The following GC variants were observed in gnomAD, a reference collection of about 807,000 sequenced individuals.
The protein encoded by GC is GC vitamin D binding protein.
A neutral mutation model predicts 56.7 loss-of-function variants in GC; 43 were observed. That is an observed-to-expected ratio of 0.76 (90% CI 0.59 to 0.98). GC has a LOEUF of 0.98. Among genes scored for constraint, GC ranks in the 50% least tolerant of loss-of-function variants. The probability of loss-of-function intolerance (pLI) is 0.00; values close to 1 mark genes in which losing one functional copy is unlikely to be tolerated. For missense variants in GC, 529 were observed against 545.9 expected, an observed-to-expected ratio of 0.97 and a Z score of 0.31; for synonymous variants, 216 against 202.7, an observed-to-expected ratio of 1.07 and a Z score of -0.56.
At chr4:71,760,519 T>A (rs1741933660) in intron 6 of GC, among the ~76,000 whole-genome samples, 1 of 152,144 alleles carries the variant, frequency 6.6e-6, no homozygotes, top group Non-Finnish European at 1.5e-5. Context: ...TGAGAAAGTA[T>A]GAGAGAAGTG....
intron 1 of GC, among the ~76,000 whole-genome samples, chr4:71,801,886 T>C (rs1022754766): frequency 1.1e-4 from 14 of 133,178 alleles, no homozygotes; most frequent in Admixed American, 1.4e-4. Flanking sequence ...CCTGTTTCTT[T>C]CTTCTTTTTT....
intron 1 of GC, among the ~76,000 whole-genome samples, chr4:71,777,613 A>G (rs1742547671): frequency 6.7e-6 from 1 of 149,192 alleles, no homozygotes; most frequent in Non-Finnish European, 1.5e-5. Flanking sequence ...TCTAGTATGC[A>G]ATTGTCAAAT....
In GC at chr4:71,741,820, G is replaced by A; in HGVS notation, c.*76C>T. 1 of 702,954 alleles carries A rather than the reference G, an allele frequency of 1.4e-6. No individual in the cohort carries two copies. The allele number at this position is 702,954 out of a possible 1,614,324, so 43.5% of individuals were successfully genotyped here. Reference sequence around the variant, plus strand: ...GTCTTCCCAGAAGCTCAGTGGTTTTGCTTAGGTTAGGTCATCAGAGATCAT... The same window carrying A: ...GTCTTCCCAGAAGCTCAGTGGTTTTACTTAGGTTAGGTCATCAGAGATCAT... On this transcript the variant is annotated 3_prime_UTR_variant, in exon 13 of 13. Transcript: ENST00000273951.
At chr4:71,801,376 C>G (rs60151590) in intron 1 of GC, among the ~76,000 whole-genome samples, 3,022 of 152,322 alleles carry the variant, frequency 0.02, 103 homozygotes, top group African/African-American at 0.069. Flanking sequence ...GACTTCTCCT[C>G]TAATACTCTG....
chr4:71,773,831 A>T (rs1258990746), intron 1 of GC, among the ~76,000 whole-genome samples: 1 of 151,926 alleles, frequency 6.6e-6, no homozygotes, highest in African/African-American at 2.4e-5. Flanking sequence ...TCACAATTTC[A>T]TTTCTTTGGC....
At chr4:71,788,428 A>T (rs1742892025), upstream of GC, among the ~76,000 whole-genome samples, 1 of 151,916 alleles carries the variant, frequency 6.6e-6, no homozygotes, top group Admixed American at 6.6e-5. Context: ...TTAAAATAAA[A>T]ATTTGAGGAA....
Position 71,756,793 on chromosome 4 carries a change from G to A in GC, c.953C>T (p.Ala318Val). 1 of 1,613,744 alleles carries A rather than the reference G, an allele frequency of 6.2e-7. No homozygotes were observed. Among genetic ancestry groups the A allele is most frequent in the Non-Finnish European group, 8.5e-7 (1 of 1,179,696 alleles). The change falls in exon 8 of 13, where the codon GCC becomes GTC. Residue 318 changes from alanine (A) to valine (V), a missense_variant. By Grantham distance (64) the Ala-to-Val change is moderately conservative (BLOSUM62 0). Coordinates refer to ENST00000273951, the MANE Select transcript of GC (RefSeq NM_000583.4). ...VFVCTYFMPA[A>V]QLPELPDVEL... ...TACATCTGGAAGCTCGGGGAGTTGG[G>A]CAGCTGGCATGAAGTAAGTGCACAC...
upstream of GC, among the ~76,000 whole-genome samples, chr4:71,784,991 T>G (rs1742799100): frequency 6.6e-6 from 1 of 151,674 alleles, no homozygotes; most frequent in Admixed American, 6.6e-5. Flanking sequence ...CCACTCCTGG[T>G]TTTTGCAGTA....
At chr4:71,749,663 G>T (rs892946497) in intron 11 of GC, among the ~76,000 whole-genome samples, 1 of 152,130 alleles carries the variant, frequency 6.6e-6, no homozygotes, top group Non-Finnish European at 1.5e-5. Context: ...GGTATGAAAA[G>T]AAAGAACTGT....
At chr4:71,784,219 T>C (rs1742775684), upstream of GC, 5 of 1,267,326 alleles carry the variant, frequency 3.9e-6, no homozygotes, top group African/African-American at 1.5e-5. Flanking sequence ...GATAAAATAA[T>C]ATCAATCAAG....
intron 1 of GC, among the ~76,000 whole-genome samples, chr4:71,789,121 G>A (rs79531333): frequency 0.019 from 2,867 of 151,784 alleles, 87 homozygotes; most frequent in African/African-American, 0.066. Context: ...AGAAAGAGAA[G>A]CAGAAGGTGA....
At chr4:71,784,845 T>C (rs1742794781), upstream of GC, among the ~76,000 whole-genome samples, 1 of 151,676 alleles carries the variant, frequency 6.6e-6, no homozygotes, top group Non-Finnish European at 1.5e-5. Context: ...GGCATGTAAT[T>C]TGAGAGCTCA....
intron 1 of GC, among the ~76,000 whole-genome samples, chr4:71,801,926 T>C (rs1480248180): frequency 6.6e-6 from 1 of 151,190 alleles, no homozygotes; most frequent in Non-Finnish European, 1.5e-5. Flanking sequence ...TGGAAGTCAA[T>C]TACAATGCTT....
chr4:71,801,930 A>G (rs1743263993), intron 1 of GC, among the ~76,000 whole-genome samples: 1 of 149,796 alleles, frequency 6.7e-6, no homozygotes, highest in African/African-American at 2.5e-5. Flanking sequence ...AGTCAATTAC[A>G]ATGCTTAGAT....
chr4:71,749,526 CT>C (rs1741479836), intron 11 of GC, among the ~76,000 whole-genome samples: 1 of 152,152 alleles, frequency 6.6e-6, no homozygotes, highest in African/African-American at 2.4e-5. Flanking sequence ...TTTTCTTCTT[CT>C]TTCGTAATAA....
At chr4:71,777,736 T>A (rs1213495100) in intron 1 of GC, among the ~76,000 whole-genome samples, 1 of 151,316 alleles carries the variant, frequency 6.6e-6, no homozygotes, top group African/African-American at 2.4e-5. Context: ...GAAATGGTTA[T>A]TCTAAGACTG....
At chr4:71,769,608 C>T (rs1018394758) in intron 1 of GC, 4 of 504,572 alleles carry the variant, frequency 7.9e-6, no homozygotes, top group African/African-American at 3.9e-5. Context: ...ATTTTAGTCA[C>T]CAGCAGAACA....
intron 1 of GC, among the ~76,000 whole-genome samples, chr4:71,801,769 C>A (rs571127519): frequency 6.6e-6 from 1 of 151,802 alleles, no homozygotes; most frequent in Non-Finnish European, 1.5e-5. Context: ...ATTTAACTAG[C>A]ATATTTTATT....
Position 71,768,314 on chromosome 4 carries a change from C to G in GC, c.248G>C (p.Cys83Ser), listed in dbSNP as rs777925065. 1 of 1,607,296 alleles carries G rather than the reference C, an allele frequency of 6.2e-7. No homozygotes were observed. Among genetic ancestry groups the G allele is most frequent in the Non-Finnish European group, 8.5e-7 (1 of 1,176,424 alleles). The stretch of plus-strand genomic sequence containing the variant: ...ACAGAAACCTACCCTGGTGTCATAG[C>G]AGTCAGGGTCAGCCCCTTCCGCACA... ...ACCAEGADPD[C>S]YDTRTSALSA... Residue 83 changes from cysteine to serine, a missense_variant, in exon 3 of 13, where the codon TGC becomes TCC. Cys to Ser is a moderately radical substitution (Grantham distance 112). Coordinates refer to ENST00000273951, the MANE Select transcript of GC (RefSeq NM_000583.4).
Sources: allele counts gnomAD v4.1 joint callset (sites outside exome capture counted in the v4.1 genomes callset), GRCh38; gene constraint gnomAD v4.1.1; transcripts MANE v1.5; gene names NCBI Gene and HGNC (gene_info 2026-07-23, HGNC 2026-07-21).